The following SLC12A2 variants were observed in gnomAD, a reference collection of about 807,000 sequenced individuals.
SLC12A2 encodes the protein solute carrier family 12 member 2, also known as Na-K-2Cl cotransporter 1.
A neutral mutation model predicts 136.3 loss-of-function variants in SLC12A2; 67 were observed. That is an observed-to-expected ratio of 0.49 (90% CI 0.40 to 0.60). The LOEUF is 0.60. Among genes scored for constraint, SLC12A2 ranks in the 20% least tolerant of loss-of-function variants. The pLI, the probability that SLC12A2 is intolerant of heterozygous loss-of-function variation, is 0.00. For synonymous variants in SLC12A2, 619 were observed against 562.9 expected (o/e 1.10, Z -1.41); for missense variants, 1,322 against 1,534.7 (o/e 0.86, Z 2.32).
intron 9 of SLC12A2, among the ~76,000 whole-genome samples, chr5:128,139,151 A>T (rs1028723839): frequency 1.3e-5 from 2 of 152,184 alleles, no homozygotes; most frequent in African/African-American, 2.4e-5. Flanking sequence ...ATGGTAAATT[A>T]AAAAATTATA....
In SLC12A2 at chr5:128,182,805, A is replaced by G. The variant is rs201076272; in HGVS notation, c.3213-50A>G. On this transcript the variant is annotated intron_variant, in intron 23 of 26. Transcript: ENST00000262461. The stretch of plus-strand genomic sequence containing the variant: ...CTTTTTAGATATATGGATTCAGCCC[A>G]ATATAGAATGAAAATACTTGTATCT... 1,539 of 1,295,740 alleles carry G rather than the reference A, an allele frequency of 1.2e-3. 19 individuals carry two copies. The African/African-American group carries it at 0.019, about 16-fold the overall frequency. 80.3% of individuals were successfully genotyped at this position (1,295,740 alleles called of 1,614,324 possible).
intron 19 of SLC12A2, 51 bp downstream of exon 19, chr5:128,171,797 T>C (rs767501260): frequency 9.4e-7 from 1 of 1,067,574 alleles, no homozygotes; most frequent in East Asian, 2.4e-5. Context: ...TAAACTACTT[T>C]GTTAGAAAAT....
At chr5:128,156,019 T>C (rs1456039783) in intron 15 of SLC12A2, among the ~76,000 whole-genome samples, 1 of 152,078 alleles carries the variant, frequency 6.6e-6, no homozygotes, top group African/African-American at 2.4e-5. Flanking sequence ...AGGGACTCTC[T>C]CCAGCAAATA....
chr5:128,154,097 A>G (rs955864860), intron 15 of SLC12A2, among the ~76,000 whole-genome samples: 15 of 151,280 alleles, frequency 9.9e-5, no homozygotes, highest in Admixed American at 1.3e-4. Context: ...GCTTTGGCTC[A>G]TTGTAGTAAA....
chr5:128,112,366 TA>T (rs1257072731), intron 1 of SLC12A2, among the ~76,000 whole-genome samples: 2 of 152,132 alleles, frequency 1.3e-5, no homozygotes, highest in Admixed American at 6.6e-5. Context: ...TCATGGACTA[TA>T]AAAAAAACAT....
At chr5:128,130,079 T>G (rs1761959154) in intron 4 of SLC12A2, among the ~76,000 whole-genome samples, 1 of 152,088 alleles carries the variant, frequency 6.6e-6, no homozygotes, top group Non-Finnish European at 1.5e-5. Flanking sequence ...ACAAATTGTC[T>G]TAATTAAGTA....
rs1415644296 is a variant in SLC12A2, at chr5:128,138,852, C to T, written c.1565C>T (p.Thr522Ile). The T allele has an allele frequency of 6.2e-7, 1 of 1,613,082 alleles. No individual in the cohort carries two copies. Among genetic ancestry groups the T allele is most frequent in the Non-Finnish European group, 8.5e-7 (1 of 1,179,470 alleles). ...CCTCAGTCAGCCATACCCAAAGGAA[C>T]ACTCCTAGCCATTTTAATTACTACA... Reference protein sequence around the residue: ...ADPQSAIPKGTLLAILITTLV... With the variant: ...ADPQSAIPKGILLAILITTLV... Residue 522 changes from threonine (T) to isoleucine (I), a missense_variant, in exon 9 of 27, where the codon ACA becomes ATA. Around this residue, in one of 8 missense-constraint regions of SLC12A2, gnomAD observed 294 missense variants for 436.6 expected, o/e 0.67. Transcript: ENST00000262461.
At chr5:128,137,867 A>G (rs1434382867) in intron 7 of SLC12A2, among the ~76,000 whole-genome samples, 1 of 152,176 alleles carries the variant, frequency 6.6e-6, no homozygotes, top group Non-Finnish European at 1.5e-5. Flanking sequence ...CAAAATCTAT[A>G]CAGATAGTAA....
At chr5:128,092,910 G>T (rs1760390067) in intron 1 of SLC12A2, among the ~76,000 whole-genome samples, 1 of 152,128 alleles carries the variant, frequency 6.6e-6, no homozygotes, top group African/African-American at 2.4e-5. Context: ...GCTTCTATCT[G>T]ACAGAAAAAG....
At position 128,161,764 on chromosome 5, in the gene SLC12A2, A is replaced by G. The variant is rs749957269; in HGVS notation, c.2580A>G (p.Ala860=). The change falls in exon 17 of 27, where the codon GCA becomes GCG. Residue 860 remains alanine, a synonymous_variant. Coordinates refer to ENST00000262461, the MANE Select transcript of SLC12A2 (RefSeq NM_001046.3). ...KMKAFYAPVH[A]DDLREGAQYL... Reference sequence around the variant, plus strand: ...AGGCATTTTATGCTCCAGTACATGCAGATGACTTGAGAGAAGGTGCACAGT... The same window carrying G: ...AGGCATTTTATGCTCCAGTACATGCGGATGACTTGAGAGAAGGTGCACAGT... 39 of 1,504,380 alleles carry G rather than the reference A, an allele frequency of 2.6e-5. No individual in the cohort carries two copies. Among genetic ancestry groups the G allele is most frequent in the Non-Finnish European group, 3.2e-5 (36 of 1,129,948 alleles). 93.2% of individuals were successfully genotyped at this position (1,504,380 alleles called of 1,614,324 possible).
intron 10 of SLC12A2, among the ~76,000 whole-genome samples, chr5:128,143,992 C>T (rs1470626627): frequency 6.6e-6 from 1 of 150,830 alleles, no homozygotes; most frequent in Admixed American, 6.6e-5. Flanking sequence ...ATATTGAACC[C>T]AATTATGTAA....
intron 1 of SLC12A2, among the ~76,000 whole-genome samples, chr5:128,103,049 C>T (rs149788187): frequency 6.4e-4 from 98 of 152,212 alleles, no homozygotes; most frequent in African/African-American, 2.2e-3. Context: ...CTGATATGAA[C>T]GTTTTTATAC....
At chr5:128,142,544 A>ATC (rs1461349361) in intron 10 of SLC12A2, among the ~76,000 whole-genome samples, 1 of 152,108 alleles carries the variant, frequency 6.6e-6, no homozygotes, top group Non-Finnish European at 1.5e-5. Flanking sequence ...ATATATATAT[A>ATC]TTAGTGTGTG....
At chr5:128,110,313 GT>G (rs1761095950) in intron 1 of SLC12A2, 3 of 868,096 alleles carry the variant, frequency 3.5e-6, no homozygotes, top group African/African-American at 3.3e-5. Flanking sequence ...TTGACTGACT[GT>G]TTTAGAAACC....
chr5:128,092,322 G>A (rs975766443), intron 1 of SLC12A2, among the ~76,000 whole-genome samples: 5 of 152,110 alleles, frequency 3.3e-5, no homozygotes, highest in African/African-American at 1.2e-4. Context: ...AGAGGAAGGG[G>A]GTGATTAAAA....
chr5:128,163,882 GATAC>G (rs1365037609), intron 17 of SLC12A2, among the ~76,000 whole-genome samples: 1 of 152,128 alleles, frequency 6.6e-6, no homozygotes, highest in East Asian at 1.9e-4. Flanking sequence ...CGGCGCGGTA[GATAC>G]ATGAATGTTT....
chr5:128,093,246 C>A (rs1581050276), intron 1 of SLC12A2, among the ~76,000 whole-genome samples: 1 of 152,246 alleles, frequency 6.6e-6, no homozygotes, highest in Admixed American at 6.5e-5. Flanking sequence ...TTCTGCCTTT[C>A]TGACTCTTTC....
intron 1 of SLC12A2, among the ~76,000 whole-genome samples, chr5:128,085,666 A>ATGACTACTTGCG (rs1760076067): frequency 6.6e-6 from 1 of 152,208 alleles, no homozygotes; most frequent in Admixed American, 6.5e-5. Flanking sequence ...CATTGATGGA[A>ATGACTACTTGCG]TTTGTGAACG....
At chr5:128,131,855 A>G (rs1350314472) in intron 5 of SLC12A2, among the ~76,000 whole-genome samples, 1 of 152,036 alleles carries the variant, frequency 6.6e-6, no homozygotes, top group Non-Finnish European at 1.5e-5. Flanking sequence ...AAAATAAAAA[A>G]TTAGCCTGGT....
Sources: gnomAD v4.1 joint callset for allele counts (sites outside exome capture counted in the v4.1 genomes callset) on GRCh38, gnomAD v4.1.1 for gene constraint, gnomAD v4.1.1 regional missense constraint, MANE v1.5 for transcripts, NCBI Gene and HGNC (gene_info 2026-07-23, HGNC 2026-07-21) for gene names.